KIF19: variants seen among roughly 807,000 people sequenced by gnomAD.
KIF19 encodes the protein kinesin family member 19, also known as kinesin-like protein KIF19.
A neutral mutation model predicts 106.6 loss-of-function variants in KIF19; 98 were observed. The observed-to-expected ratio is 0.92, with a 90% CI of 0.78 to 1.09. The LOEUF is 1.09. Ranked by LOEUF, KIF19 falls within the 50% of genes least tolerant of loss-of-function variation. The pLI is 0.00. For missense variants in KIF19, 1,373 were observed against 1,414.3 expected (o/e 0.97, Z 0.47); for synonymous variants, 516 against 584.2 (o/e 0.88, Z 1.68).
At chr17:74,354,964 TGGGGAGGGGAGGCCTCCACCAGGCA>T in intron 19 of KIF19, 23 bp downstream of exon 19, 1 of 1,574,340 alleles carries the variant, frequency 6.4e-7, no homozygotes, top group Non-Finnish European at 8.6e-7. Flanking sequence ...AAGGAGGGGA[TGGGGAGGGGAGGCCTCCACCAGGCA>T]GGGGAGCAGA....
intron 2 of KIF19, among the ~76,000 whole-genome samples, chr17:74,332,218 G>T (rs199623498): frequency 3.6e-3 from 403 of 110,656 alleles, no homozygotes; most frequent in South Asian, 0.013. Context: ...GTTTGTGTGT[G>T]TGTGTGTGTG....
At position 74,346,927 on chromosome 17, in the gene KIF19, T is replaced by C. The variant is rs969837098; in HGVS notation, c.924+403T>C. Reference sequence around the variant, plus strand: ...GTGCAGGGGTGTCCTTGGCCTTAAATTATAGCAGCATCACTGAGCGCCCAC... The same window carrying C: ...GTGCAGGGGTGTCCTTGGCCTTAAACTATAGCAGCATCACTGAGCGCCCAC... On this transcript the variant is annotated intron_variant, in intron 8 of 19. Transcript: ENST00000389916. This position sits in a 1 kb window ranked among gnomAD's most constrained non-coding sequence, Gnocchi z 4.6. Among the ~76,000 whole-genome samples, 3 of 152,084 alleles carry C rather than the reference T, an allele frequency of 2.0e-5. No homozygotes were observed. Among genetic ancestry groups the C allele is most frequent in the Admixed American group, 1.3e-4 (2 of 15,270 alleles).
chr17:74,352,183 G>T (rs759000129), intron 13 of KIF19, 36 bp from the exon 14 acceptor site: 2 of 1,590,252 alleles, frequency 1.3e-6, no homozygotes, highest in Non-Finnish European at 1.7e-6. Flanking sequence ...CGGGGGGGCC[G>T]CTGGCACTCA....
At chr17:74,333,671 A>G (rs932515551) in intron 2 of KIF19, among the ~76,000 whole-genome samples, 1 of 151,852 alleles carries the variant, frequency 6.6e-6, no homozygotes, top group African/African-American at 2.4e-5. Flanking sequence ...TCCTTATGAT[A>G]CAACTTCATT....
At chr17:74,342,886 C>T (rs2144252904) in intron 4 of KIF19, 138 bp from the exon 5 acceptor site, 3 of 1,220,062 alleles carry the variant, frequency 2.5e-6, no homozygotes, top group Admixed American at 2.2e-5. Flanking sequence ...GGGCATCATC[C>T]TCCCCACTCC....
rs139600640 is a variant in KIF19, at chr17:74,350,523, C to T, written c.1336C>T (p.Arg446Cys). ...VRRRLLELEN[R>C]AMEVQIDTSR... ...GAGGCGCCTGCTGGAGCTGGAGAAC[C>T]GCGCCATGGAGGTCCAGATTGACAC... The change falls in exon 11 of 20, where the codon CGC becomes TGC. Residue 446 changes from arginine (R) to cysteine (C), a missense_variant. Physicochemically the swap from Arg to Cys is radical, Grantham distance 180. Transcript: ENST00000389916. 7.5e-4 allele frequency: 1,213 copies of T among 1,612,746 alleles called. 1 individual carries two copies. The highest frequency in any genetic ancestry group is 8.9e-4 in the Non-Finnish European group (1,047 of 1,179,840).
intron 5 of KIF19, among the ~76,000 whole-genome samples, chr17:74,343,751 G>A (rs1200320353): frequency 6.6e-6 from 1 of 152,192 alleles, no homozygotes; most frequent in Admixed American, 6.5e-5. Flanking sequence ...CCAACAAGGT[G>A]TTGATTCAGC....
Position 74,355,209 on chromosome 17 carries a change from T to C in KIF19, c.2894T>C (p.Val965Ala). 4 of 1,610,754 alleles carry C rather than the reference T, an allele frequency of 2.5e-6. No individual in the cohort carries two copies. Among genetic ancestry groups the C allele is most frequent in the Non-Finnish European group, 3.4e-6 (4 of 1,178,422 alleles). The change falls in exon 20 of 20, where the codon GTT becomes GCT. Residue 965 changes from valine (V) to alanine (A), a missense_variant. By Grantham distance (64) the Val-to-Ala change is moderately conservative. This residue lies in a region of KIF19 where 1,020 missense variants were observed against 1,008.2 expected (regional missense o/e 1.01). Transcript: ENST00000389916. Reference sequence around the variant, plus strand: ...CCGGGGGACTCCTCACCCCTGGCTGTTCCCCCCAACCCAGGTGGTGGTTCT... The same window carrying C: ...CCGGGGGACTCCTCACCCCTGGCTGCTCCCCCCAACCCAGGTGGTGGTTCT... Reference protein sequence around the residue: ...TGPGDSSPLAVPPNPGGGSRR... With the variant: ...TGPGDSSPLAAPPNPGGGSRR...
In KIF19 at chr17:74,331,662, C is replaced by G. The variant is rs112803971; in HGVS notation, c.120+3157C>G. ...TGCAATCTTGGCTCACTGCAACCTC[C>G]GCCTCCTGGATTCAAGCGATTCTCC... On this transcript the variant is annotated intron_variant, in intron 2 of 19. Coordinates refer to ENST00000389916, the MANE Select transcript of KIF19 (RefSeq NM_153209.4). This position sits in a 1 kb window ranked among gnomAD's most constrained non-coding sequence, Gnocchi z 4.1. Among the ~76,000 whole-genome samples, 3 of 151,838 alleles carry G rather than the reference C, an allele frequency of 2.0e-5. No individual in the cohort carries two copies. The East Asian group carries it at 5.8e-4, about 29-fold the overall frequency.
chr17:74,336,458 C>G (rs1171973916), intron 2 of KIF19, among the ~76,000 whole-genome samples: 1 of 152,216 alleles, frequency 6.6e-6, no homozygotes, highest in African/African-American at 2.4e-5. Context: ...TAACGACACT[C>G]GTCATAGTGG....
In KIF19 at chr17:74,346,469, A is replaced by G. The variant is rs763564843; in HGVS notation, c.869A>G (p.Lys290Arg). The stretch of plus-strand genomic sequence containing the variant: ...AACTGCATCAACGCCCTGAGCGACA[A>G]GGGTAGCAACAAGTACATCAACTAT... ...LGNCINALSD[K>R]GSNKYINYRD... is the part of the protein sequence containing the mutation. The change falls in exon 8 of 20, where the codon AAG (lysine) becomes AGG (arginine). Residue 290 changes from lysine to arginine, a missense_variant. By Grantham distance (26) the Lys-to-Arg change is conservative. Around this residue, in one of 3 missense-constraint regions of KIF19, gnomAD observed 1,020 missense variants for 1,008.2 expected, o/e 1.01. Coordinates refer to ENST00000389916, the MANE Select transcript of KIF19 (RefSeq NM_153209.4). This position sits in a 1 kb window ranked among gnomAD's most constrained non-coding sequence, Gnocchi z 4.6. 1.9e-6 allele frequency: 3 copies of G among 1,554,592 alleles called. No homozygotes were observed. Among genetic ancestry groups the G allele is most frequent in the Non-Finnish European group, 2.6e-6 (3 of 1,148,894 alleles).
intron 2 of KIF19, among the ~76,000 whole-genome samples, chr17:74,335,318 C>A (rs1362731867): frequency 6.6e-6 from 1 of 152,248 alleles, no homozygotes; most frequent in Non-Finnish European, 1.5e-5. Flanking sequence ...AAGCCTGGTC[C>A]GTGCTCAGGC....
Position 74,351,966 on chromosome 17 carries a change from C to T in KIF19, c.1687C>T (p.Leu563Phe), listed in dbSNP as rs1023672925. The change falls in exon 13 of 20, where the codon CTC (leucine) becomes TTC (phenylalanine). Residue 563 changes from leucine (L) to phenylalanine (F), a missense_variant. Leu to Phe is a conservative substitution (Grantham distance 22). Around this residue, in one of 3 missense-constraint regions of KIF19, gnomAD observed 1,020 missense variants for 1,008.2 expected, o/e 1.01. Coordinates refer to ENST00000389916, the MANE Select transcript of KIF19 (RefSeq NM_153209.4). ...RIGSEEQREV[L>F]SLLCRVHELE... ...CGGCTCCGAGGAGCAGCGCGAGGTG[C>T]TCAGCCTGCTGTGCCGCGTGCACGA... is the stretch of plus-strand genomic sequence containing the variant. 10 of 1,521,966 alleles carry T rather than the reference C, an allele frequency of 6.6e-6. No individual in the cohort carries two copies. In the African/African-American group the frequency reaches 8.4e-5, roughly 13 times the overall value. 94.3% of individuals were successfully genotyped at this position (1,521,966 alleles called of 1,614,324 possible). A position where few individuals can be genotyped will look rare whatever the true frequency, so the allele number is the denominator to read the frequency against.
intron 6 of KIF19, 67 bp downstream of exon 6, chr17:74,344,415 G>A (rs1190021793): frequency 1.2e-5 from 19 of 1,562,864 alleles, no homozygotes; most frequent in South Asian, 9.3e-5. Context: ...CAGGAGGGGC[G>A]GGGACAGAAG....
chr17:74,329,621 A>G (rs758308890), intron 2 of KIF19, among the ~76,000 whole-genome samples: 10 of 151,908 alleles, frequency 6.6e-5, no homozygotes, highest in African/African-American at 9.7e-5. Context: ...GGTAGCTGAG[A>G]AAAGGCCAGA....
chr17:74,332,659 G>A (rs1022460338), intron 2 of KIF19, among the ~76,000 whole-genome samples: 1 of 152,238 alleles, frequency 6.6e-6, no homozygotes, highest in Non-Finnish European at 1.5e-5. Flanking sequence ...CCTAGGCCAG[G>A]AGGGCTGGGT....
At chr17:74,332,448 C>T (rs934244194) in intron 2 of KIF19, among the ~76,000 whole-genome samples, 1 of 152,032 alleles carries the variant, frequency 6.6e-6, no homozygotes, top group African/African-American at 2.4e-5. Flanking sequence ...ATCAAACAGC[C>T]GTCTCCTCCA....
intron 8 of KIF19, among the ~76,000 whole-genome samples, chr17:74,347,210 G>A (rs1184386400): frequency 6.6e-6 from 1 of 152,122 alleles, no homozygotes; most frequent in Non-Finnish European, 1.5e-5. Flanking sequence ...AAGCCGGGGA[G>A]GTGGGGACAA....
intron 2 of KIF19, among the ~76,000 whole-genome samples, chr17:74,341,512 C>T (rs1010161): frequency 0.22 from 33,436 of 152,098 alleles, 4,360 homozygotes; most frequent in Middle Eastern, 0.37. Flanking sequence ...TGTGTGTGCT[C>T]TGCTCCCCTG....
Sources: gnomAD v4.1 joint callset for allele counts (sites outside exome capture counted in the v4.1 genomes callset) on GRCh38, gnomAD v4.1.1 for gene constraint, gnomAD v4.1.1 regional missense constraint, Gnocchi (gnomAD v3.1) non-coding constraint, MANE v1.5 for transcripts, NCBI Gene and HGNC (gene_info 2026-07-23, HGNC 2026-07-21) for gene names.